The following TCF4 variants were observed in gnomAD, a reference collection of about 807,000 sequenced individuals.
TCF4 encodes the protein transcription factor 4.
A neutral mutation model predicts 82.1 loss-of-function variants in TCF4; 3 were observed. The ratio of observed to expected loss-of-function variants is 0.04; its 90% CI spans 0.02 to 0.09. The LOEUF is 0.09. Ranked by LOEUF, TCF4 falls within the 10% of genes least tolerant of loss-of-function variation. The pLI is 1.00. For synonymous variants in TCF4, 276 were observed against 309.6 expected (o/e 0.89, Z 1.14); for missense variants, 518 against 852.7 (o/e 0.61, Z 4.89).
chr18:55,342,747 T>C lies in TCF4; in HGVS notation c.549+7612A>G, dbSNP rs1384808069. ...TTATTAAATTATTTTGTACTTCAAG[T>C]TCGTTTCATAAAAAGCAAGCCAGAA... On this transcript the variant is annotated intron_variant, in intron 8 of 19. Coordinates refer to ENST00000354452, the MANE Select transcript of TCF4 (RefSeq NM_001083962.2). 3.9e-5 allele frequency among the ~76,000 whole-genome samples: 6 copies of C among 152,262 alleles called. No individual in the cohort carries two copies. The East Asian group carries it at 1.2e-3, about 29-fold the overall frequency.
chr18:55,422,507 G>A (rs2094809922), intron 5 of TCF4: 3 of 958,576 alleles, frequency 3.1e-6, no homozygotes, highest in Non-Finnish European at 3.7e-6. Context: ...AAAAAAAAGA[G>A]AATCTAGTTC....
At position 55,633,091 on chromosome 18, in the gene TCF4, C is replaced by T. The variant is rs1210536684; in HGVS notation, c.196-1703G>A. On this transcript the variant is annotated intron_variant, in intron 1 of 20. Coordinates refer to the TCF4 transcript ENST00000398339. This position sits in a 1 kb window ranked among gnomAD's most constrained non-coding sequence, Gnocchi z 4.0. ...TAACCTGAAGCTTAGTGGCTTAAAA[C>T]AACATTAAGTATTTATTATCCTCAC... Among the ~76,000 whole-genome samples the T allele has an allele frequency of 6.6e-6, 1 of 152,202 alleles. No individual in the cohort carries two copies. The highest frequency in any genetic ancestry group is 1.5e-5 in the Non-Finnish European group (1 of 68,034).
At chr18:55,308,239 T>C (rs1400428197) in intron 8 of TCF4, among the ~76,000 whole-genome samples, 1 of 152,080 alleles carries the variant, frequency 6.6e-6, no homozygotes, top group Non-Finnish European at 1.5e-5. Context: ...CTATGAAAAA[T>C]ATTTGGATTA....
At chr18:55,433,836 C>T (rs909815428) in intron 5 of TCF4, among the ~76,000 whole-genome samples, 3 of 152,114 alleles carry the variant, frequency 2.0e-5, no homozygotes, top group Non-Finnish European at 4.4e-5. Flanking sequence ...CTTCTCTCTG[C>T]ACCTTTCTCC....
At chr18:55,602,786 A>T (rs1469412263) in intron 2 of TCF4, among the ~76,000 whole-genome samples, 1 of 152,228 alleles carries the variant, frequency 6.6e-6, no homozygotes, top group African/African-American at 2.4e-5. Context: ...GTAGTCCAAA[A>T]AATTGTAATT....
intron 4 of TCF4, among the ~76,000 whole-genome samples, chr18:55,462,849 A>ACC (rs2095898181): frequency 6.6e-6 from 1 of 152,172 alleles, no homozygotes; most frequent in East Asian, 1.9e-4. Context: ...GTCAAGCTCG[A>ACC]CAGCTGGTGT....
At chr18:55,242,897 C>T (rs1037088700) in intron 15 of TCF4, among the ~76,000 whole-genome samples, 1 of 152,158 alleles carries the variant, frequency 6.6e-6, no homozygotes, top group Non-Finnish European at 1.5e-5. Context: ...CCTGAACCAC[C>T]GCGCCTAGCC....
intron 8 of TCF4, among the ~76,000 whole-genome samples, chr18:55,324,605 C>A (rs1379988995): frequency 6.6e-6 from 1 of 152,124 alleles, no homozygotes; most frequent in African/African-American, 2.4e-5. Context: ...TTCACAGACA[C>A]AGTTTTCACA....
At chr18:55,354,956 G>T (rs2083142408) in intron 6 of TCF4, among the ~76,000 whole-genome samples, 1 of 152,116 alleles carries the variant, frequency 6.6e-6, no homozygotes, top group South Asian at 2.1e-4. Flanking sequence ...ATCTTGGGGG[G>T]ATGTTGCAGA....
At position 55,596,069 on chromosome 18, in the gene TCF4, C is replaced by T. The variant is rs771374348; in HGVS notation, c.287-8933G>A. The T allele has an allele frequency of 1.6e-4, 69 of 430,542 alleles. 1 individual carries two copies. The highest frequency in any genetic ancestry group is 1.1e-3 in the South Asian group (66 of 61,386). 26.7% of individuals were successfully genotyped at this position (430,542 alleles called of 1,614,324 possible). A position where few individuals can be genotyped will look rare whatever the true frequency, so the allele number is the denominator to read the frequency against. On this transcript the variant is annotated intron_variant, in intron 2 of 20. Transcript: ENST00000398339. ...CCAACGTGGTGAAACCCCGTCTCTA[C>T]TAAAAATACAAAAATTAGCCTCGAG...
At chr18:55,296,882 G>A (rs755764178) in intron 8 of TCF4, among the ~76,000 whole-genome samples, 35 of 152,224 alleles carry the variant, frequency 2.3e-4, no homozygotes, top group African/African-American at 8.2e-4. Flanking sequence ...CTGATTTGCC[G>A]TTGAACTAGA....
chr18:55,575,332 A>G (rs2097518963), intron 3 of TCF4, among the ~76,000 whole-genome samples: 1 of 152,230 alleles, frequency 6.6e-6, no homozygotes, highest in Admixed American at 6.5e-5. Context: ...AACAAGCATT[A>G]AAACTGACAT....
intron 6 of TCF4, among the ~76,000 whole-genome samples, chr18:55,369,127 G>A (rs527510591): frequency 9.2e-5 from 14 of 152,224 alleles, no homozygotes; most frequent in Admixed American, 2.6e-4. Flanking sequence ...ACATAGTAGC[G>A]CATCTTATAA....
chr18:55,521,191 T>C (rs140153552), intron 3 of TCF4, among the ~76,000 whole-genome samples: 7 of 152,296 alleles, frequency 4.6e-5, no homozygotes, highest in Non-Finnish European at 8.8e-5. Context: ...TTCCTAACAA[T>C]AGATTATACA....
intron 3 of TCF4, among the ~76,000 whole-genome samples, chr18:55,576,911 C>G (rs928983474): frequency 6.6e-6 from 1 of 151,440 alleles, no homozygotes; most frequent in Non-Finnish European, 1.5e-5. Context: ...ATGTGTGGCC[C>G]AAGATGATTC....
At chr18:55,530,424 A>C (rs2097047228) in intron 3 of TCF4, among the ~76,000 whole-genome samples, 1 of 152,044 alleles carries the variant, frequency 6.6e-6, no homozygotes. Flanking sequence ...TTGTGGATAA[A>C]GGAAGAAGCA....
At chr18:55,276,100 G>C (rs1447111271) in intron 9 of TCF4, among the ~76,000 whole-genome samples, 1 of 152,034 alleles carries the variant, frequency 6.6e-6, no homozygotes, top group Non-Finnish European at 1.5e-5. Context: ...CAACTAAAAA[G>C]TTAAATTGTT....
chr18:55,361,482 C>T (rs957569443), intron 6 of TCF4, among the ~76,000 whole-genome samples: 2 of 152,218 alleles, frequency 1.3e-5, no homozygotes, highest in Non-Finnish European at 2.9e-5. Context: ...CTTGCTCATA[C>T]AAACGTTTCT....
intron 8 of TCF4, among the ~76,000 whole-genome samples, chr18:55,309,755 A>G (rs2071673626): frequency 6.6e-6 from 1 of 152,226 alleles, no homozygotes; most frequent in Non-Finnish European, 1.5e-5. Context: ...AGCATATTCT[A>G]AAAACACTGT....
Sources: allele counts gnomAD v4.1 joint callset (sites outside exome capture counted in the v4.1 genomes callset), GRCh38; gene constraint gnomAD v4.1.1; non-coding constraint Gnocchi (gnomAD v3.1); transcripts MANE v1.5; gene names NCBI Gene and HGNC (gene_info 2026-07-23, HGNC 2026-07-21).